The following PSD2 variants were observed in gnomAD, a reference collection of about 807,000 sequenced individuals.
PSD2 encodes PH and SEC7 domain-containing protein 2.
Under a neutral mutation model 69.8 loss-of-function variants are expected in PSD2, and 38 were observed. The observed-to-expected ratio is 0.54, with a 90% confidence interval of 0.42 to 0.71. The LOEUF is 0.71. Among genes scored for constraint, PSD2 ranks in the 30% least tolerant of loss-of-function variants. The probability of loss-of-function intolerance (pLI) is 0.00; values close to 1 mark genes in which losing one functional copy is unlikely to be tolerated. For synonymous variants in PSD2, 412 were observed against 423.0 expected (o/e 0.97, Z 0.32); for missense variants, 943 against 1,014.5 (o/e 0.93, Z 0.96).
At position 139,837,223 on chromosome 5, in the gene PSD2, C is replaced by T; in HGVS notation, c.1650C>T (p.Ile550=). ...TCTACGCAGTGCTCAAAGGGACCAT[C>T]CTGTACCTGCAGAAGGTGAGAGACT... The part of the protein sequence containing the change: ...KKFYAVLKGT[I]LYLQKDEYRP... Residue 550 remains isoleucine, a synonymous_variant, in exon 11 of 15, where the codon ATC becomes ATT. Coordinates refer to ENST00000274710, the MANE Select transcript of PSD2 (RefSeq NM_032289.4). The surrounding 1 kb of genome is among the most constrained non-coding windows in gnomAD (Gnocchi z 5.0). 1 of 1,613,954 alleles carries T rather than the reference C, an allele frequency of 6.2e-7. No individual in the cohort carries two copies. The highest frequency in any genetic ancestry group is 8.5e-7 in the Non-Finnish European group (1 of 1,179,848).
Position 139,813,778 on chromosome 5 carries a change from G to A in PSD2, c.821+20G>A, listed in dbSNP as rs772582715. On this transcript the variant is annotated intron_variant, in intron 3 of 14. Transcript: ENST00000274710. ...AGCCAGGTGAGGCAGGGCCCAGGCT[G>A]GGAGAACCACCGAGCAGATGGGGAA... 6.3e-7 allele frequency: 1 copy of A among 1,577,908 alleles called. No homozygotes were observed. Among genetic ancestry groups the A allele is most frequent in the Non-Finnish European group, 8.6e-7 (1 of 1,160,708 alleles).
At chr5:139,780,371 C>T in the PSD2 span, among the ~76,000 whole-genome samples, 73 of 152,348 alleles carry the variant, frequency 4.8e-4, 1 homozygote, top group Middle Eastern at 6.8e-3. Flanking sequence ...TGACCCTGAA[C>T]TTGTATAATT....
At chr5:139,790,719 A>G in the PSD2 span, among the ~76,000 whole-genome samples, 1 of 152,194 alleles carries the variant, frequency 6.6e-6, no homozygotes, top group Non-Finnish European at 1.5e-5. Context: ...GGACTAGGCC[A>G]CAGTCTAGCA....
At chr5:139,792,166 G>A (rs1759425541), upstream of PSD2, among the ~76,000 whole-genome samples, 1 of 151,930 alleles carries the variant, frequency 6.6e-6, no homozygotes. Flanking sequence ...TGGGGTCGTG[G>A]GGGTGCTGGG....
Position 139,839,978 on chromosome 5 carries a change from C to T in PSD2, c.1969-49C>T, listed in dbSNP as rs760723054. The T allele has an allele frequency of 1.7e-5, 28 of 1,605,076 alleles. No homozygotes were observed. Among genetic ancestry groups the T allele is most frequent in the African/African-American group, 1.1e-4 (8 of 74,770 alleles). ...TGGTAGAACAGGATTTGAGCCACTC[C>T]GTGACATCCTGAGAGTAAGGCCTCA... On this transcript the variant is annotated intron_variant, in intron 13 of 14. Transcript: ENST00000274710. This position sits in a 1 kb window ranked among gnomAD's most constrained non-coding sequence, Gnocchi z 5.1.
rs747722665 is a variant in PSD2, at chr5:139,813,526, G to A, written c.589G>A (p.Gly197Arg). The change falls in exon 3 of 15, where the codon GGG (glycine) becomes AGG (arginine). Residue 197 changes from glycine (G) to arginine (R), a missense_variant. Around this residue, in one of 3 missense-constraint regions of PSD2, gnomAD observed 466 missense variants for 445.0 expected, o/e 1.05. Transcript: ENST00000274710. Reference sequence around the variant, plus strand: ...CCGTGACAGCCCTGAGCCAGGGGCTGGGTTGGGCATTGGGGACATGGCGTT... The same window carrying A: ...CCGTGACAGCCCTGAGCCAGGGGCTAGGTTGGGCATTGGGGACATGGCGTT... Reference protein sequence around the residue: ...RARDSPEPGAGLGIGDMAFEG... With the variant: ...RARDSPEPGARLGIGDMAFEG... 3.1e-6 allele frequency: 5 copies of A among 1,610,806 alleles called. No individual in the cohort carries two copies. In the South Asian group the frequency reaches 5.5e-5, roughly 18 times the overall value.
the PSD2 span, among the ~76,000 whole-genome samples, chr5:139,778,167 ATAAGT>A: frequency 6.6e-5 from 10 of 152,380 alleles, no homozygotes; most frequent in East Asian, 1.9e-3. Context: ...GTGTGAAGGA[ATAAGT>A]GTGGTTCCCA....
At chr5:139,769,133 T>C in the PSD2 span, among the ~76,000 whole-genome samples, 12 of 152,014 alleles carry the variant, frequency 7.9e-5, no homozygotes, top group South Asian at 2.5e-3. Flanking sequence ...AAGGAGGTGA[T>C]ATTCATGCCA....
At chr5:139,756,199 T>G in the PSD2 span, among the ~76,000 whole-genome samples, 3 of 152,038 alleles carry the variant, frequency 2.0e-5, no homozygotes, top group African/African-American at 2.4e-5. Context: ...TTTTATTGGG[T>G]CATTAACAAC....
At chr5:139,746,656 C>T in the PSD2 span, among the ~76,000 whole-genome samples, 40 of 152,186 alleles carry the variant, frequency 2.6e-4, no homozygotes, top group Non-Finnish European at 4.6e-4. This position sits in a 1 kb window ranked among gnomAD's most constrained non-coding sequence, Gnocchi z 4.5. Context: ...TGGGCGGGAT[C>T]GATATCTGCC....
At position 139,813,550 on chromosome 5, in the gene PSD2, T is replaced by C. The variant is rs1417691594; in HGVS notation, c.613T>C (p.Phe205Leu). 3 of 1,610,530 alleles carry C rather than the reference T, an allele frequency of 1.9e-6. No homozygotes were observed. The highest frequency in any genetic ancestry group is 2.5e-6 in the Non-Finnish European group (3 of 1,177,464). ...GAGLGIGDMA[F>L]EGDMGAAGGD... ...TGGGTTGGGCATTGGGGACATGGCG[T>C]TTGAGGGGGACATGGGGGCAGCTGG... The change falls in exon 3 of 15, where the codon TTT becomes CTT. Residue 205 changes from phenylalanine to leucine, a missense_variant. This residue lies in a region of PSD2 where 466 missense variants were observed against 445.0 expected (regional missense o/e 1.05). Coordinates refer to ENST00000274710, the MANE Select transcript of PSD2 (RefSeq NM_032289.4).
chr5:139,815,253 T>C (rs900503982), intron 4 of PSD2, among the ~76,000 whole-genome samples: 1 of 151,964 alleles, frequency 6.6e-6, no homozygotes, highest in Non-Finnish European at 1.5e-5. Flanking sequence ...CCCCAACAAC[T>C]GCGCCAGCCC....
upstream of PSD2, among the ~76,000 whole-genome samples, chr5:139,794,351 C>T (rs760879549): frequency 3.9e-5 from 6 of 152,154 alleles, no homozygotes; most frequent in Non-Finnish European, 5.9e-5. Context: ...GCTTGGTTGT[C>T]AGAGGTGTCA....
At chr5:139,789,992 GC>G in the PSD2 span, among the ~76,000 whole-genome samples, 3 of 148,614 alleles carry the variant, frequency 2.0e-5, no homozygotes, top group Admixed American at 6.6e-5. Context: ...GCAGCACGGG[GC>G]CGGGCGGGCG....
chr5:139,831,301 A>T (rs1231772287), intron 7 of PSD2, among the ~76,000 whole-genome samples: 1 of 152,114 alleles, frequency 6.6e-6, no homozygotes, highest in Non-Finnish European at 1.5e-5. Flanking sequence ...TTTCTTTCAA[A>T]GATTTCTGTT....
chr5:139,766,567 C>A, the PSD2 span, among the ~76,000 whole-genome samples: 17 of 152,148 alleles, frequency 1.1e-4, no homozygotes, highest in East Asian at 3.3e-3. Context: ...GTTTAGGTGA[C>A]CTTGGCCTGT....
chr5:139,839,240 ATGG>A lies in PSD2; in HGVS notation c.1968+472_1968+474del, dbSNP rs1166145556. 5.9e-5 allele frequency among the ~76,000 whole-genome samples: 9 copies of A among 152,248 alleles called. No individual in the cohort carries two copies. Among genetic ancestry groups the A allele is most frequent in the Non-Finnish European group, 4.4e-5 (3 of 68,046 alleles). The stretch of plus-strand genomic sequence containing the variant: ...GGCTTCTTTGGAGAGGACAGGAGAA[ATGG>A]TGGCCCGGAGCTTGAGAGGTAGAGG... On this transcript the variant is annotated intron_variant, in intron 13 of 14. Transcript: ENST00000274710. The surrounding 1 kb of genome is among the most constrained non-coding windows in gnomAD (Gnocchi z 5.1).
At chr5:139,763,518 C>G in the PSD2 span, among the ~76,000 whole-genome samples, 1 of 152,216 alleles carries the variant, frequency 6.6e-6, no homozygotes, top group Non-Finnish European at 1.5e-5. Context: ...TTGTCCCTTG[C>G]TGGGATGATG....
the PSD2 span, among the ~76,000 whole-genome samples, chr5:139,762,658 T>C: frequency 1.3e-5 from 2 of 152,186 alleles, no homozygotes; most frequent in Non-Finnish European, 2.9e-5. Flanking sequence ...AGCTTGGCCC[T>C]AGATGGCCTT....
Sources: allele counts gnomAD v4.1 joint callset (sites outside exome capture counted in the v4.1 genomes callset), GRCh38; gene constraint gnomAD v4.1.1; regional missense constraint gnomAD v4.1.1; non-coding constraint Gnocchi (gnomAD v3.1); transcripts MANE v1.5; gene names NCBI Gene and HGNC (gene_info 2026-07-23, HGNC 2026-07-21).